The following UTY variants were observed in gnomAD, a reference collection of about 807,000 sequenced individuals.
UTY encodes histone demethylase UTY.
UTY carries 12 observed loss-of-function variants against 32.5 expected under a neutral mutation model. The observed-to-expected ratio is 0.37, with a 90% confidence interval of 0.24 to 0.60. The LOEUF (loss-of-function observed/expected upper bound fraction) is 0.60. UTY is among the 20% of genes least tolerant of loss of function. The pLI, the probability that UTY is intolerant of heterozygous loss-of-function variation, is 0.69. For missense variants in UTY, 303 were observed against 299.2 expected (o/e 1.01, Z -0.09); for synonymous variants, 131 against 103.4 (o/e 1.27, Z -1.62).
intron 3 of UTY, among the ~76,000 whole-genome samples, chrY:13,451,122 G>A: frequency 6.0e-5 from 2 of 33,592 alleles, no homozygotes; most frequent in Non-Finnish European, 1.5e-4. Context: ...GGAAAAAATA[G>A]TCTTAAGATC....
intron 27 of UTY, among the ~76,000 whole-genome samples, chrY:13,273,303 T>C: frequency 2.9e-5 from 1 of 34,067 alleles, no homozygotes; most frequent in Non-Finnish European, 7.3e-5. Flanking sequence ...TTTTTTACTA[T>C]GCTTCTCACA....
chrY:13,420,757 A>C (rs2072419298), intron 4 of UTY, among the ~76,000 whole-genome samples: 1 of 33,395 alleles, frequency 3.0e-5, no homozygotes, highest in Non-Finnish European at 7.4e-5. Flanking sequence ...AAAGACTTTA[A>C]ATGTAACGCA....
chrY:13,404,779 T>C (rs766789198), intron 6 of UTY, among the ~76,000 whole-genome samples: 30 of 33,366 alleles, frequency 9.0e-4, no homozygotes, highest in African/African-American at 3.5e-3. Flanking sequence ...AAGTATCATG[T>C]TGATCCGGCT....
intron 6 of UTY, 73 bp downstream of exon 6, chrY:13,410,920 T>C: frequency 5.7e-6 from 2 of 352,879 alleles, no homozygotes; most frequent in Non-Finnish European, 7.9e-6. Context: ...GACATTAAAG[T>C]GTGCATGCGC....
intron 9 of UTY, among the ~76,000 whole-genome samples, chrY:13,366,645 G>A (rs750159021): frequency 5.0e-4 from 17 of 33,676 alleles, no homozygotes; most frequent in Non-Finnish European, 1.0e-3. Context: ...ACATGGAGAT[G>A]ACAAATCAAA....
At chrY:13,367,171 C>T (rs2064286281) in intron 9 of UTY, among the ~76,000 whole-genome samples, 1 of 33,536 alleles carries the variant, frequency 3.0e-5, no homozygotes, top group Non-Finnish European at 7.4e-5. Context: ...TGCTTTCGGA[C>T]TTTTACCTAA....
chrY:13,429,769 T>G, intron 4 of UTY, among the ~76,000 whole-genome samples: 1 of 32,903 alleles, frequency 3.0e-5, no homozygotes, highest in Non-Finnish European at 7.5e-5. Flanking sequence ...TGATCTGCCC[T>G]GACTCATTCT....
At chrY:13,247,693 T>C (rs2053963882), downstream of UTY, among the ~76,000 whole-genome samples, 1 of 32,853 alleles carries the variant, frequency 3.0e-5, no homozygotes, top group Non-Finnish European at 7.5e-5. Context: ...CAGACTGAGA[T>C]TCCATCTCAA....
At chrY:13,318,709 C>T in intron 21 of UTY, among the ~76,000 whole-genome samples, 1 of 32,902 alleles carries the variant, frequency 3.0e-5, no homozygotes, top group Non-Finnish European at 7.5e-5. Context: ...TTTTCTATCC[C>T]CTTTTAAAAG....
intron 28 of UTY, among the ~76,000 whole-genome samples, chrY:13,236,308 C>T (rs2053851200): frequency 3.7e-5 from 1 of 27,165 alleles, no homozygotes; most frequent in Admixed American, 3.1e-4. Context: ...AATAAAAATA[C>T]CATGGGGAAT....
chrY:13,251,020 T>G lies in UTY; in HGVS notation c.4305A>C (p.Thr1435=), dbSNP rs1486942920. The change falls in exon 29 of 30, where the codon ACA becomes ACC. Residue 1435 remains threonine (T), a synonymous_variant. Coordinates refer to ENST00000545955, the MANE Select transcript of UTY (RefSeq NM_001258249.2). ...TACTCACGTGTTAATGACTTACTAG[T>G]GTAAATTGATCATAAACTTGGATTA... The part of the protein sequence containing the change: ...EDLIQVYDQF[T]LALSLSSSS The G allele has an allele frequency of 7.5e-6, 3 of 398,275 alleles. No individual in the cohort carries two copies. In the South Asian group the frequency reaches 8.9e-5, roughly 12 times the overall value.
chrY:13,334,118 G>A (rs543143293), intron 18 of UTY, among the ~76,000 whole-genome samples: 11 of 33,699 alleles, frequency 3.3e-4, no homozygotes, highest in African/African-American at 9.2e-4. Flanking sequence ...CGCCCTGAAC[G>A]TCTGCTTCTT....
intron 18 of UTY, among the ~76,000 whole-genome samples, chrY:13,329,090 G>A (rs990407082): frequency 6.0e-5 from 2 of 33,254 alleles, no homozygotes; most frequent in Admixed American, 2.7e-4. Flanking sequence ...GCTGACACAC[G>A]ATGGTTTCTA....
intron 5 of UTY, among the ~76,000 whole-genome samples, chrY:13,413,785 C>T (rs951865018): frequency 1.7e-4 from 6 of 34,699 alleles, no homozygotes; most frequent in Non-Finnish European, 3.6e-4. Flanking sequence ...TGACTGTATG[C>T]CATGGCCAGA....
intron 27 of UTY, among the ~76,000 whole-genome samples, chrY:13,292,972 G>A: frequency 3.0e-5 from 1 of 33,246 alleles, no homozygotes; most frequent in Admixed American, 2.7e-4. Flanking sequence ...ATTTATCCTC[G>A]GGAAATAATA....
intron 27 of UTY, among the ~76,000 whole-genome samples, chrY:13,277,469 A>G (rs2056770360): frequency 1.5e-4 from 5 of 33,338 alleles, no homozygotes; most frequent in Admixed American, 8.1e-4. Flanking sequence ...TTTTGACACA[A>G]TATTTTTTAA....
intron 4 of UTY, among the ~76,000 whole-genome samples, chrY:13,425,082 T>C: frequency 3.0e-5 from 1 of 33,513 alleles, no homozygotes; most frequent in South Asian, 6.6e-4. Flanking sequence ...CAGACACATA[T>C]ACACATTATC....
chrY:13,362,069 C>T, intron 10 of UTY, among the ~76,000 whole-genome samples: 5 of 33,690 alleles, frequency 1.5e-4, no homozygotes, highest in African/African-American at 5.8e-4. Flanking sequence ...CTGGCTAATA[C>T]TGGAAGAAAT....
intron 21 of UTY, among the ~76,000 whole-genome samples, chrY:13,308,960 T>TAC (rs2058846178): frequency 1.5e-4 from 5 of 32,423 alleles, no homozygotes; most frequent in African/African-American, 2.4e-4. Flanking sequence ...TATCATCCCA[T>TAC]ACACACACAC....
Sources: allele counts gnomAD v4.1 joint callset (sites outside exome capture counted in the v4.1 genomes callset), GRCh38; gene constraint gnomAD v4.1.1; transcripts MANE v1.5; gene names NCBI Gene and HGNC (gene_info 2026-07-23, HGNC 2026-07-21).